Variants in GSTM5 observed in about 807,000 individuals in gnomAD.
GSTM5 encodes the protein glutathione S-transferase mu 5.
Under a neutral mutation model 29.0 loss-of-function variants are expected in GSTM5, and 24 were observed. The ratio of observed to expected loss-of-function variants is 0.83; its 90% CI spans 0.60 to 1.16. GSTM5 has a LOEUF of 1.16. Among genes scored for constraint, GSTM5 ranks in the 50% most tolerant of loss-of-function variants. The pLI, the probability that GSTM5 is intolerant of heterozygous loss-of-function variation, is 0.00. For missense variants in GSTM5, 290 were observed against 263.0 expected, an observed-to-expected ratio of 1.10 and a Z score of -0.71; for synonymous variants, 91 against 93.6, an observed-to-expected ratio of 0.97 and a Z score of 0.16.
Position 109,713,162 on chromosome 1 carries a change from G to T in GSTM5, c.156G>T (p.Lys52Asn), listed in dbSNP as rs758262942. ...GCCAGTGGCTGAATGAAAAATTCAA[G>T]CTGGGCCTGGACTTTCCCAATGTAG... ...DRSQWLNEKFKLGLDFPNLPY... is the reference protein window; with the variant it reads ...DRSQWLNEKFNLGLDFPNLPY... Residue 52 changes from lysine (K) to asparagine (N), a missense_variant, in exon 3 of 8, where the codon AAG becomes AAT. By Grantham distance (94) the Lys-to-Asn change is moderately conservative (BLOSUM62 0). Coordinates refer to ENST00000256593, the MANE Select transcript of GSTM5 (RefSeq NM_000851.4). 6.2e-7 allele frequency: 1 copy of T among 1,612,534 alleles called. No individual in the cohort carries two copies. Among genetic ancestry groups the T allele is most frequent in the South Asian group, 1.1e-5 (1 of 91,006 alleles).
At chr1:109,712,127 G>A (rs1259484880), upstream of GSTM5, 3 of 668,700 alleles carry the variant, frequency 4.5e-6, no homozygotes, top group East Asian at 5.6e-5. Context: ...ACTGGGAGGC[G>A]GGAGGGGGCT....
intron 5 of GSTM5, chr1:109,714,148 C>T (rs181996027): frequency 3.1e-4 from 51 of 166,806 alleles, no homozygotes; most frequent in African/African-American, 9.4e-4. Context: ...GTTATTCTCA[C>T]GACTCCAATG....
chr1:109,711,921 C>T (rs1239710834), upstream of GSTM5, among the ~76,000 whole-genome samples: 60 of 139,494 alleles, frequency 4.3e-4, no homozygotes, highest in Middle Eastern at 3.6e-3. Flanking sequence ...AGGGATTCTG[C>T]GGGCAGGGAG....
In GSTM5 at chr1:109,713,115, A is replaced by T; in HGVS notation, c.113-4A>T. On this transcript the variant is annotated splice_region_variant and splice_polypyrimidine_tract_variant and intron_variant, in intron 2 of 7. Transcript: ENST00000256593. ...GGTTTGTTTTCACTTCTTCCCCACC[A>T]CAGCTCCTGACTATGACAGAAGCCA... is the stretch of plus-strand genomic sequence containing the variant. 1 of 1,611,968 alleles carries T rather than the reference A, an allele frequency of 6.2e-7. No individual in the cohort carries two copies. The highest frequency in any genetic ancestry group is 8.5e-7 in the Non-Finnish European group (1 of 1,179,494).
chr1:109,713,802 C>T, intron 5 of GSTM5, 41 bp downstream of exon 5: 1 of 1,576,798 alleles, frequency 6.3e-7, no homozygotes, highest in South Asian at 1.1e-5. Flanking sequence ...ATTTCCCTGC[C>T]TTTTGGCCCA....
chr1:109,712,974 C>G (rs4970773), intron 2 of GSTM5, 145 bp from the exon 3 acceptor site: 276,288 of 1,005,704 alleles, frequency 0.27, 44,382 homozygotes, highest in East Asian at 0.69. Flanking sequence ...GGGATTCTTT[C>G]TCCCTGAACC....
chr1:109,715,667 G>A (rs1648720931), intron 7 of GSTM5: 1 of 562,144 alleles, frequency 1.8e-6, no homozygotes, highest in Non-Finnish European at 3.0e-6. Context: ...GACCACGGAT[G>A]CAGCTGGCAA....
In GSTM5 at chr1:109,717,459, G is replaced by A. The variant is rs1398770183; in HGVS notation, c.*33G>A. On this transcript the variant is annotated 3_prime_UTR_variant, in exon 8 of 8. Transcript: ENST00000256593. Reference sequence around the variant, plus strand: ...TGATGCCAGAAGATGGGAGGGAGGAGCCAACCTTGCTGCCTGCGACCCTGG... The same window carrying A: ...TGATGCCAGAAGATGGGAGGGAGGAACCAACCTTGCTGCCTGCGACCCTGG... 3.4e-5 allele frequency: 49 copies of A among 1,429,172 alleles called. No homozygotes were observed. The highest frequency in any genetic ancestry group is 4.5e-5 in the Non-Finnish European group (46 of 1,011,432). 88.5% of individuals were successfully genotyped at this position (1,429,172 alleles called of 1,614,324 possible).
Position 109,712,322 on chromosome 1 carries a change from A to C in GSTM5, c.10A>C (p.Thr4Pro). Reference sequence around the variant, plus strand: ...CGCACCAACCAGCACCATGCCCATGACTCTGGGGTACTGGGACATCCGTGG... The same window carrying C: ...CGCACCAACCAGCACCATGCCCATGCCTCTGGGGTACTGGGACATCCGTGG... Reference protein sequence around the residue: MPMTLGYWDIRGLA... With the variant: MPMPLGYWDIRGLA... The change falls in exon 1 of 8, where the codon ACT becomes CCT. Residue 4 changes from threonine to proline, a missense_variant. By Grantham distance (38) the Thr-to-Pro change is conservative. Transcript: ENST00000256593. The C allele has an allele frequency of 3.7e-6, 6 of 1,613,578 alleles. No individual in the cohort carries two copies. The highest frequency in any genetic ancestry group is 5.1e-6 in the Non-Finnish European group (6 of 1,179,878).
In GSTM5 at chr1:109,717,476, C is replaced by T. The variant is rs764970372; in HGVS notation, c.*50C>T. ...AGGGAGGAGCCAACCTTGCTGCCTGCGACCCTGGAGGACAGCCTGACTCCC... is the reference window on the plus strand; with the variant it reads ...AGGGAGGAGCCAACCTTGCTGCCTGTGACCCTGGAGGACAGCCTGACTCCC... On this transcript the variant is annotated 3_prime_UTR_variant, in exon 8 of 8. Transcript: ENST00000256593. 55 of 1,329,856 alleles carry T rather than the reference C, an allele frequency of 4.1e-5. No homozygotes were observed. In the East Asian group the frequency reaches 1.0e-3, roughly 24 times the overall value. The allele number at this position is 1,329,856 out of a possible 1,614,324, so 82.4% of individuals were successfully genotyped here. A position where few individuals can be genotyped will look rare whatever the true frequency, so the allele number is the denominator to read the frequency against.
chr1:109,711,787 G>A (rs1236489071), upstream of GSTM5, among the ~76,000 whole-genome samples: 2 of 151,298 alleles, frequency 1.3e-5, no homozygotes, highest in African/African-American at 4.8e-5. Context: ...ATCAGAGGAA[G>A]TCCTGCTCTT....
intron 3 of GSTM5, 36 bp from the exon 4 acceptor site, chr1:109,713,448 G>A: frequency 6.2e-7 from 1 of 1,613,816 alleles, no homozygotes; most frequent in Non-Finnish European, 8.5e-7. Context: ...GAGCCTGGTG[G>A]CCCAACTGAG....
In GSTM5 at chr1:109,712,280, T is replaced by C. The variant is rs1377229930; in HGVS notation, c.-33T>C. On this transcript the variant is annotated 5_prime_UTR_variant, in exon 1 of 8. An upstream start codon of the reference 5' UTR is lost. Coordinates refer to ENST00000256593, the MANE Select transcript of GSTM5 (RefSeq NM_000851.4). ...CAAAGTCTGAGCCCCGCTCCGCTGA[T>C]GCCTGTCTGCAGAATCCGCACCAAC... 2 of 1,613,486 alleles carry C rather than the reference T, an allele frequency of 1.2e-6. No homozygotes were observed. Among genetic ancestry groups the C allele is most frequent in the Admixed American group, 1.7e-5 (1 of 60,014 alleles).
upstream of GSTM5, chr1:109,712,173 T>C: frequency 2.1e-6 from 2 of 934,170 alleles, no homozygotes; most frequent in Non-Finnish European, 3.5e-6. Flanking sequence ...CTCGGGGGCC[T>C]ACAGAATGGC....
chr1:109,712,453 C>A, intron 1 of GSTM5, 105 bp downstream of exon 1: 1 of 1,314,138 alleles, frequency 7.6e-7, no homozygotes, highest in Non-Finnish European at 1.1e-6. Context: ...GGCTGCCCGC[C>A]TCAGAAGGGC....
chr1:109,712,345 T>C lies in GSTM5; in HGVS notation c.33T>C (p.Arg11=), dbSNP rs56207588. Residue 11 remains arginine, a synonymous_variant, in exon 1 of 8, where the codon CGT becomes CGC. Coordinates refer to ENST00000256593, the MANE Select transcript of GSTM5 (RefSeq NM_000851.4). ...TGACTCTGGGGTACTGGGACATCCG[T>C]GGGGTAAGCGAGGGTCCTCTGGTGG... The part of the protein sequence containing the change: MPMTLGYWDI[R]GLAHAIRLLL... The C allele has an allele frequency of 3.7e-6, 6 of 1,612,968 alleles. No individual in the cohort carries two copies. The highest frequency in any genetic ancestry group is 5.1e-6 in the Non-Finnish European group (6 of 1,179,620).
Position 109,714,930 on chromosome 1 carries a change from G to A in GSTM5, c.361-17G>A, listed in dbSNP as rs201798232. 19 of 1,613,848 alleles carry A rather than the reference G, an allele frequency of 1.2e-5. No individual in the cohort carries two copies. The highest frequency in any genetic ancestry group is 1.5e-5 in the Non-Finnish European group (18 of 1,179,670). On this transcript the variant is annotated splice_polypyrimidine_tract_variant and intron_variant, in intron 5 of 7. Transcript: ENST00000256593. ...GAGCTTTTGTCTGAGGGTGGTGACA[G>A]CTGTTTTCTGCCTCAGGAGAAACTG...
intron 6 of GSTM5, 28 bp downstream of exon 6, chr1:109,715,070 G>T (rs1417419185): frequency 6.2e-7 from 1 of 1,613,982 alleles, no homozygotes; most frequent in Non-Finnish European, 8.5e-7. Flanking sequence ...TGGGGAATGA[G>T]ATCTGTTTTA....
At position 109,713,649 on chromosome 1, in the gene GSTM5, T is replaced by C. The variant is rs1361205604; in HGVS notation, c.260-12T>C. The C allele has an allele frequency of 1.9e-6, 3 of 1,614,072 alleles. No individual in the cohort carries two copies. The highest frequency in any genetic ancestry group is 2.5e-6 in the Non-Finnish European group (3 of 1,180,026). Reference sequence around the variant, plus strand: ...TGATGCTGAGATTGAGTCTGTGTTTTGTGGGTGGCAGGTGGGGAGACAGAA... The same window carrying C: ...TGATGCTGAGATTGAGTCTGTGTTTCGTGGGTGGCAGGTGGGGAGACAGAA... On this transcript the variant is annotated splice_polypyrimidine_tract_variant and intron_variant, in intron 4 of 7. Transcript: ENST00000256593.
Sources: allele counts gnomAD v4.1 joint callset (sites outside exome capture counted in the v4.1 genomes callset), GRCh38; gene constraint gnomAD v4.1.1; transcripts MANE v1.5; gene names NCBI Gene and HGNC (gene_info 2026-07-23, HGNC 2026-07-21).